LRRK2: variants seen among roughly 807,000 people sequenced by gnomAD.
The protein encoded by LRRK2 is leucine rich repeat kinase 2.
Under a neutral mutation model 302.6 loss-of-function variants are expected in LRRK2, and 203 were observed. The observed-to-expected ratio is 0.67, with a 90% CI of 0.60 to 0.75. The LOEUF (loss-of-function observed/expected upper bound fraction) is 0.75. Among genes scored for constraint, LRRK2 ranks in the 30% least tolerant of loss-of-function variants. The pLI is 0.00. For missense variants in LRRK2, 2,830 were observed against 2,951.0 expected, an observed-to-expected ratio of 0.96 and a Z score of 0.95; for synonymous variants, 1,066 against 1,031.9, an observed-to-expected ratio of 1.03 and a Z score of -0.63.
chr12:40,333,680 T>G (rs1945783034), intron 39 of LRRK2, among the ~76,000 whole-genome samples: 1 of 151,652 alleles, frequency 6.6e-6, no homozygotes, highest in Non-Finnish European at 1.5e-5. Flanking sequence ...ATCTCGGACT[T>G]TTTTTGAATT....
chr12:40,352,633 G>A (rs1219973228), intron 44 of LRRK2, among the ~76,000 whole-genome samples: 1 of 149,844 alleles, frequency 6.7e-6, no homozygotes, highest in East Asian at 1.9e-4. Flanking sequence ...TGTGTCCCTG[G>A]GTACTTGAGA....
chr12:40,238,951 A>G (rs1284309300), intron 5 of LRRK2, among the ~76,000 whole-genome samples: 1 of 152,200 alleles, frequency 6.6e-6, no homozygotes, highest in Admixed American at 6.5e-5. Context: ...AGGGACAATA[A>G]TATAAAGCTA....
chr12:40,356,028 AGTT>A (rs1296346641), intron 45 of LRRK2, 84 bp from the exon 46 acceptor site: 1 of 799,940 alleles, frequency 1.3e-6, no homozygotes, highest in Non-Finnish European at 2.1e-6. Flanking sequence ...GTCTATCTAA[AGTT>A]TAATAAAGTG....
intron 23 of LRRK2, among the ~76,000 whole-genome samples, chr12:40,296,200 A>G (rs545104730): frequency 7.9e-5 from 12 of 152,316 alleles, no homozygotes; most frequent in African/African-American, 2.6e-4. Flanking sequence ...ATTAAAGTAT[A>G]ACATAGTTTG....
chr12:40,352,901 T>C (rs1946399832), intron 44 of LRRK2, among the ~76,000 whole-genome samples: 1 of 152,246 alleles, frequency 6.6e-6, no homozygotes, highest in Admixed American at 6.5e-5. Flanking sequence ...CTGTATCTTT[T>C]CCCCACATTT....
intron 19 of LRRK2, 48 bp downstream of exon 19, chr12:40,284,181 T>C (rs755951997): frequency 1.3e-6 from 2 of 1,505,252 alleles, no homozygotes; most frequent in South Asian, 2.4e-5. Flanking sequence ...TTTAATAGTA[T>C]TTTTTTAAGT....
intron 39 of LRRK2, among the ~76,000 whole-genome samples, chr12:40,329,596 C>A (rs1945652757): frequency 6.6e-6 from 1 of 152,036 alleles, no homozygotes; most frequent in South Asian, 2.1e-4. Flanking sequence ...AGAAATGCAA[C>A]CTTCTGTCAC....
intron 31 of LRRK2, 72 bp downstream of exon 31, chr12:40,310,721 G>A: frequency 6.8e-7 from 1 of 1,466,896 alleles, no homozygotes; most frequent in Non-Finnish European, 9.5e-7. Context: ...GAAATTTTGA[G>A]AAGTGAGCAA....
At chr12:40,361,260 G>C (rs1386333685) in intron 47 of LRRK2, among the ~76,000 whole-genome samples, 1 of 151,942 alleles carries the variant, frequency 6.6e-6, no homozygotes, top group Non-Finnish European at 1.5e-5. Flanking sequence ...TTATTTACTA[G>C]TATGTGGTTA....
Position 40,275,105 on chromosome 12 carries a change from A to G in LRRK2, c.1941+112A>G, listed in dbSNP as rs1161452276. The G allele has an allele frequency of 3.4e-6, 4 of 1,174,944 alleles. No individual in the cohort carries two copies. In the African/African-American group the frequency reaches 6.1e-5, roughly 18 times the overall value. The allele number at this position is 1,174,944 out of a possible 1,614,324, so 72.8% of individuals were successfully genotyped here. On this transcript the variant is annotated intron_variant, in intron 16 of 50. Transcript: ENST00000298910. ...GGGGTATTCTAGTTAATGGAAAACC[A>G]TTTATCCTTTTGTAGTATTTTAATT...
At chr12:40,309,693 T>C (rs560737591) in intron 30 of LRRK2, among the ~76,000 whole-genome samples, 1 of 152,044 alleles carries the variant, frequency 6.6e-6, no homozygotes, top group Non-Finnish European at 1.5e-5. Context: ...GAATCTCCCT[T>C]TTGTTGCTTT....
intron 31 of LRRK2, among the ~76,000 whole-genome samples, chr12:40,311,636 T>C (rs1305039382): frequency 6.6e-6 from 1 of 152,186 alleles, no homozygotes; most frequent in African/African-American, 2.4e-5. Flanking sequence ...ACCTTGGTTA[T>C]AACTCCATGC....
chr12:40,254,094 A>G (rs1263598424), intron 11 of LRRK2, among the ~76,000 whole-genome samples: 2 of 152,276 alleles, frequency 1.3e-5, no homozygotes, highest in East Asian at 3.9e-4. Flanking sequence ...CTTCCCCCAT[A>G]AACAGGAATA....
chr12:40,282,112 TCCCTCCCCTC>T (rs1160837095), intron 18 of LRRK2, among the ~76,000 whole-genome samples: 2,263 of 43,356 alleles, frequency 0.052, 117 homozygotes, highest in Non-Finnish European at 0.058. Context: ...CCCCTTCTCT[TCCCTCCCCTC>T]CCCTCCCCTC....
Position 40,274,638 on chromosome 12 carries a change from TA to T in LRRK2, c.1713del (p.His572IlefsTer6). 1 of 1,613,912 alleles carries T rather than the reference TA, an allele frequency of 6.2e-7. No individual in the cohort carries two copies. The highest frequency in any genetic ancestry group is 8.5e-7 in the Non-Finnish European group (1 of 1,179,844). On this transcript the variant is annotated frameshift_variant, in exon 15 of 51. Coordinates refer to ENST00000298910, the MANE Select transcript of LRRK2 (RefSeq NM_198578.4). LOFTEE classifies it high-confidence loss of function. The stretch of plus-strand genomic sequence containing the variant: ...GGATTAAAAGTAATTTCTTCTATTG[TA>T]CATTTTCCTGATGCATTAGAGATGT... Reference protein sequence around the residue: ...KCGLKVISSIVHFPDALEMLS... With the variant: ...KCGLKVISSIXHFPDALEMLS...
At chr12:40,360,013 A>G (rs576906249) in intron 47 of LRRK2, among the ~76,000 whole-genome samples, 6 of 152,262 alleles carry the variant, frequency 3.9e-5, no homozygotes, top group African/African-American at 1.4e-4. Context: ...TTTTAATCAA[A>G]TCTTTGCAGT....
intron 2 of LRRK2, among the ~76,000 whole-genome samples, chr12:40,231,657 C>A (rs941959681): frequency 6.8e-6 from 1 of 147,954 alleles, no homozygotes; most frequent in African/African-American, 2.5e-5. Flanking sequence ...TTGGTACAAC[C>A]TCTAAAACTA....
At chr12:40,275,627 T>C (rs1253820850) in intron 16 of LRRK2, among the ~76,000 whole-genome samples, 1 of 151,990 alleles carries the variant, frequency 6.6e-6, no homozygotes, top group Non-Finnish European at 1.5e-5. Context: ...TTTTTTTTTT[T>C]TGGAGACAGG....
chr12:40,290,125 C>CT (rs537993279), intron 20 of LRRK2, among the ~76,000 whole-genome samples: 207 of 151,888 alleles, frequency 1.4e-3, no homozygotes, highest in Middle Eastern at 6.8e-3. Flanking sequence ...TTTGGAGAGC[C>CT]TTTTTTTATC....
Sources: gnomAD v4.1 joint callset for allele counts (sites outside exome capture counted in the v4.1 genomes callset) on GRCh38, gnomAD v4.1.1 for gene constraint, MANE v1.5 for transcripts, NCBI Gene and HGNC (gene_info 2026-07-23, HGNC 2026-07-21) for gene names.